MMP16: variants seen among roughly 807,000 people sequenced by gnomAD.
MMP16 encodes the protein matrix metallopeptidase 16, also known as matrix metalloproteinase-16.
Under a neutral mutation model 67.8 loss-of-function variants are expected in MMP16, and 12 were observed. The observed-to-expected ratio is 0.18, with a 90% confidence interval of 0.11 to 0.29. The LOEUF (loss-of-function observed/expected upper bound fraction) is 0.29, where lower values mean the gene tolerates loss of function less well. Among genes scored for constraint, MMP16 ranks in the 10% least tolerant of loss-of-function variants. MMP16 has a pLI of 1.00. For synonymous variants in MMP16, 249 were observed against 255.9 expected (o/e 0.97, Z 0.26); for missense variants, 475 against 765.7 (o/e 0.62, Z 4.48).
rs568919595 is a variant in MMP16 at position 88,092,209 on chromosome 8, C to T, written c.1084-17466G>A. Among the ~76,000 whole-genome samples the T allele has an allele frequency of 3.3e-5, 5 of 151,938 alleles. No individual in the cohort carries two copies. The East Asian group carries it at 9.7e-4, about 29-fold the overall frequency. ...TGCTAATTGTGGTATCACAGTATCA[C>T]AGGTATAGGCTCTATGGCTATAACT... is the stretch of plus-strand genomic sequence containing the variant. On this transcript the variant is annotated intron_variant, in intron 6 of 9. Coordinates refer to ENST00000286614, the MANE Select transcript of MMP16 (RefSeq NM_005941.5).
At chr8:88,261,143 A>G (rs1024375930) in intron 1 of MMP16, among the ~76,000 whole-genome samples, 4 of 152,154 alleles carry the variant, frequency 2.6e-5, no homozygotes, top group African/African-American at 9.7e-5. Flanking sequence ...TTTATCATGC[A>G]GACATACTGA....
intron 4 of MMP16, among the ~76,000 whole-genome samples, chr8:88,144,624 T>C (rs1255482630): frequency 6.6e-6 from 1 of 151,908 alleles, no homozygotes; most frequent in Admixed American, 6.6e-5. Flanking sequence ...AGTTCCATTT[T>C]ATATATGTAA....
At chr8:88,120,426 C>T (rs75796344) in intron 4 of MMP16, among the ~76,000 whole-genome samples, 2 of 151,824 alleles carry the variant, frequency 1.3e-5, no homozygotes, top group Non-Finnish European at 2.9e-5. Context: ...AGTTAAAATA[C>T]AAATCTGATA....
chr8:88,119,119 G>T (rs918356690), intron 4 of MMP16, among the ~76,000 whole-genome samples: 16 of 152,138 alleles, frequency 1.1e-4, no homozygotes, highest in African/African-American at 3.4e-4. Context: ...AAGAATAAAA[G>T]TTGAAGAGCA....
chr8:88,188,371 A>C (rs1411859382), intron 2 of MMP16, among the ~76,000 whole-genome samples: 1 of 152,214 alleles, frequency 6.6e-6, no homozygotes, highest in East Asian at 1.9e-4. Context: ...TAATTATGAA[A>C]TCTGAATATA....
At chr8:88,287,813 T>C (rs1810857711) in intron 1 of MMP16, among the ~76,000 whole-genome samples, 1 of 152,196 alleles carries the variant, frequency 6.6e-6, no homozygotes, top group South Asian at 2.1e-4. Context: ...CACTTCTTTG[T>C]GTTATTGTAA....
intron 5 of MMP16, among the ~76,000 whole-genome samples, chr8:88,117,158 TTAAC>T (rs1809450733): frequency 6.6e-6 from 1 of 152,162 alleles, no homozygotes; most frequent in Admixed American, 6.5e-5. Flanking sequence ...AAGATAAACG[TTAAC>T]TAAGCAAAGT....
intron 4 of MMP16, among the ~76,000 whole-genome samples, chr8:88,124,832 T>G (rs1437461153): frequency 6.6e-6 from 1 of 152,008 alleles, no homozygotes; most frequent in Non-Finnish European, 1.5e-5. Flanking sequence ...GGTCAGGTTC[T>G]GGCGAGGGCT....
chr8:88,150,902 A>G (rs2129644707), intron 4 of MMP16, among the ~76,000 whole-genome samples: 1 of 140,490 alleles, frequency 7.1e-6, no homozygotes, highest in East Asian at 2.2e-4. Flanking sequence ...GCTCCAATTA[A>G]AAGACACAGA....
intron 1 of MMP16, among the ~76,000 whole-genome samples, chr8:88,274,554 C>T (rs759259663): frequency 1.2e-4 from 18 of 152,026 alleles, no homozygotes; most frequent in Non-Finnish European, 2.1e-4. Context: ...AAAAGAAATG[C>T]ATTGAATAAA....
At chr8:88,168,356 C>T (rs1449385469) in intron 3 of MMP16, among the ~76,000 whole-genome samples, 2 of 152,124 alleles carry the variant, frequency 1.3e-5, no homozygotes, top group African/African-American at 4.8e-5. Context: ...TAGAGGCACA[C>T]CATTGTATTT....
intron 8 of MMP16, among the ~76,000 whole-genome samples, chr8:88,054,184 G>A (rs958882936): frequency 1.4e-4 from 21 of 152,084 alleles, no homozygotes; most frequent in African/African-American, 5.1e-4. Context: ...TATTATCTAT[G>A]AAACTCTAAT....
intron 4 of MMP16, among the ~76,000 whole-genome samples, chr8:88,126,355 T>C (rs1807930585): frequency 6.6e-6 from 1 of 151,846 alleles, no homozygotes; most frequent in African/African-American, 2.4e-5. Context: ...ACACAACTTC[T>C]TCCCCAAAAC....
At chr8:88,276,997 C>T (rs1810659059) in intron 1 of MMP16, among the ~76,000 whole-genome samples, 1 of 151,966 alleles carries the variant, frequency 6.6e-6, no homozygotes, top group Non-Finnish European at 1.5e-5. Flanking sequence ...TAAAGATTTT[C>T]ACTGTAAAAT....
chr8:88,116,379 G>T, intron 6 of MMP16, 128 bp downstream of exon 6: 1 of 772,822 alleles, frequency 1.3e-6, no homozygotes, highest in South Asian at 1.9e-5. Context: ...TTTTTAAAAT[G>T]CTTTTTTTGA....
At chr8:88,223,887 C>A (rs1809727062) in intron 1 of MMP16, among the ~76,000 whole-genome samples, 1 of 151,542 alleles carries the variant, frequency 6.6e-6, no homozygotes, top group Non-Finnish European at 1.5e-5. Flanking sequence ...TGATATGGAC[C>A]TGAAAAGTGG....
intron 1 of MMP16, among the ~76,000 whole-genome samples, chr8:88,279,694 G>A (rs1168102029): frequency 1.3e-5 from 2 of 151,936 alleles, no homozygotes; most frequent in African/African-American, 4.8e-5. Context: ...ACTGCATTTG[G>A]TAATCAAAAT....
At chr8:88,121,296 A>G (rs1386518673) in intron 4 of MMP16, among the ~76,000 whole-genome samples, 1 of 151,980 alleles carries the variant, frequency 6.6e-6, no homozygotes, top group Non-Finnish European at 1.5e-5. Flanking sequence ...GAACCAGGAT[A>G]TGAACTTACG....
At chr8:88,284,278 G>A (rs1428518157) in intron 1 of MMP16, among the ~76,000 whole-genome samples, 1 of 152,158 alleles carries the variant, frequency 6.6e-6, no homozygotes, top group Admixed American at 6.5e-5. Flanking sequence ...TCATACAATA[G>A]TGGATAAATT....
Sources: allele counts gnomAD v4.1 joint callset (sites outside exome capture counted in the v4.1 genomes callset), GRCh38; gene constraint gnomAD v4.1.1; transcripts MANE v1.5; gene names NCBI Gene and HGNC (gene_info 2026-07-23, HGNC 2026-07-21).